The following NCAM2 variants were observed in gnomAD, a reference collection of about 807,000 sequenced individuals.
NCAM2 encodes the protein N-CAM-2.
In NCAM2, 30 loss-of-function variants were observed where a neutral mutation model predicts 98.1. That is an observed-to-expected ratio of 0.31 (90% CI 0.23 to 0.41). The LOEUF (loss-of-function observed/expected upper bound fraction) is 0.41. Among genes scored for constraint, NCAM2 ranks in the 10% least tolerant of loss-of-function variants. The pLI is 1.00. For synonymous variants in NCAM2, 368 were observed against 342.4 expected (o/e 1.07, Z -0.83); for missense variants, 867 against 1,005.8 (o/e 0.86, Z 1.87).
At chr21:21,176,017 T>A (rs920244688) in intron 1 of NCAM2, among the ~76,000 whole-genome samples, 2 of 152,200 alleles carry the variant, frequency 1.3e-5, no homozygotes, top group African/African-American at 4.8e-5. Context: ...GTCCAGTATT[T>A]ATTCTAAAAA....
At chr21:21,494,772 T>C (rs1183602274) in intron 15 of NCAM2, among the ~76,000 whole-genome samples, 1 of 151,896 alleles carries the variant, frequency 6.6e-6, no homozygotes, top group African/African-American at 2.4e-5. Context: ...ACTTCAGATA[T>C]TTTATGATTT....
intron 1 of NCAM2, among the ~76,000 whole-genome samples, chr21:21,175,180 G>T (rs567323581): frequency 6.6e-6 from 1 of 152,092 alleles, no homozygotes; most frequent in South Asian, 2.1e-4. Context: ...AACAAGTCAA[G>T]ATGTAAATTC....
At chr21:21,217,322 C>CA (rs2069944390) in intron 1 of NCAM2, among the ~76,000 whole-genome samples, 1 of 151,998 alleles carries the variant, frequency 6.6e-6, no homozygotes, top group Admixed American at 6.6e-5. Context: ...GCACGAAGTC[C>CA]AAAAACAAGA....
chr21:21,432,541 T>G (rs2146031869), intron 12 of NCAM2, among the ~76,000 whole-genome samples: 1 of 150,872 alleles, frequency 6.6e-6, no homozygotes, highest in Non-Finnish European at 1.5e-5. Context: ...AAAAATTCGT[T>G]GGTGGAAAGG....
chr21:21,195,743 G>T (rs142868931), intron 1 of NCAM2, among the ~76,000 whole-genome samples: 1 of 152,108 alleles, frequency 6.6e-6, no homozygotes, highest in Non-Finnish European at 1.5e-5. Context: ...CAGCATGTGC[G>T]ATACTCCAGA....
At chr21:21,445,839 T>C (rs1207337858) in intron 12 of NCAM2, among the ~76,000 whole-genome samples, 1 of 152,176 alleles carries the variant, frequency 6.6e-6, no homozygotes, top group African/African-American at 2.4e-5. Flanking sequence ...AGGTTAGTAT[T>C]GTTATGTGTG....
At chr21:21,399,446 A>G (rs1184905441) in intron 9 of NCAM2, among the ~76,000 whole-genome samples, 3 of 152,230 alleles carry the variant, frequency 2.0e-5, no homozygotes, top group African/African-American at 4.8e-5. Context: ...ACTGGAAAAG[A>G]GGAAGATATT....
intron 12 of NCAM2, among the ~76,000 whole-genome samples, chr21:21,447,161 G>C (rs1355021460): frequency 6.6e-6 from 1 of 151,974 alleles, no homozygotes; most frequent in Non-Finnish European, 1.5e-5. Flanking sequence ...ATACTACAAG[G>C]CCACAGTAGC....
chr21:21,324,738 C>T (rs565891030), intron 6 of NCAM2, among the ~76,000 whole-genome samples: 1 of 152,194 alleles, frequency 6.6e-6, no homozygotes, highest in African/African-American at 2.4e-5. Flanking sequence ...CTTATTCTGT[C>T]TGTAAAAGCA....
At chr21:21,128,619 T>C (rs1370237644) in intron 1 of NCAM2, among the ~76,000 whole-genome samples, 4 of 152,206 alleles carry the variant, frequency 2.6e-5, no homozygotes, top group African/African-American at 9.6e-5. Flanking sequence ...AATGATTTAT[T>C]GATCTTCTGT....
intron 1 of NCAM2, among the ~76,000 whole-genome samples, chr21:21,141,003 T>C (rs543545579): frequency 7.7e-4 from 118 of 152,268 alleles, no homozygotes; most frequent in African/African-American, 2.7e-3. Context: ...ATGGGCTATT[T>C]ATCTATGGTC....
chr21:21,086,127 T>C (rs1163414709), intron 1 of NCAM2, among the ~76,000 whole-genome samples: 2 of 152,206 alleles, frequency 1.3e-5, no homozygotes, highest in Non-Finnish European at 2.9e-5. Context: ...TTACATGAGA[T>C]AGAATGTTCT....
chr21:21,056,913 C>T (rs1443572214), intron 1 of NCAM2, among the ~76,000 whole-genome samples: 2 of 151,956 alleles, frequency 1.3e-5, no homozygotes, highest in East Asian at 1.9e-4. Flanking sequence ...ATAGTCTTTG[C>T]TTTCTCCCCA....
chr21:21,390,258 G>A (rs945740845), intron 9 of NCAM2, among the ~76,000 whole-genome samples: 1 of 151,852 alleles, frequency 6.6e-6, no homozygotes, highest in South Asian at 2.1e-4. Flanking sequence ...TTCTTTTTCA[G>A]TATGGCTCTT....
chr21:21,316,107 C>A (rs940805986), intron 5 of NCAM2, among the ~76,000 whole-genome samples: 4 of 152,036 alleles, frequency 2.6e-5, no homozygotes, highest in African/African-American at 9.7e-5. Context: ...ATTCTTACTG[C>A]CTTTTGAAAG....
intron 1 of NCAM2, among the ~76,000 whole-genome samples, chr21:21,086,503 A>G (rs1049118193): frequency 6.6e-6 from 1 of 152,184 alleles, no homozygotes; most frequent in African/African-American, 2.4e-5. Flanking sequence ...TATAGCATAC[A>G]TGGTCAGAGA....
At chr21:21,321,708 G>T (rs2074379666) in intron 5 of NCAM2, among the ~76,000 whole-genome samples, 1 of 152,090 alleles carries the variant, frequency 6.6e-6, no homozygotes, top group African/African-American at 2.4e-5. Context: ...AAGTTCAGAT[G>T]GATATAGGTG....
chr21:21,371,055 G>T (rs2075903775), intron 8 of NCAM2, among the ~76,000 whole-genome samples: 1 of 151,770 alleles, frequency 6.6e-6, no homozygotes, highest in African/African-American at 2.4e-5. Flanking sequence ...GGGTGAAATG[G>T]TAATTATACA....
At chr21:21,533,792 G>T (rs1168660028) in intron 16 of NCAM2, among the ~76,000 whole-genome samples, 1 of 151,444 alleles carries the variant, frequency 6.6e-6, no homozygotes, top group Non-Finnish European at 1.5e-5. Flanking sequence ...TGTGAGGCAT[G>T]AAACATTATA....
Sources: allele counts gnomAD v4.1 joint callset (sites outside exome capture counted in the v4.1 genomes callset), GRCh38; gene constraint gnomAD v4.1.1; transcripts MANE v1.5; gene names NCBI Gene and HGNC (gene_info 2026-07-23, HGNC 2026-07-21).